Variants in UBXN2A observed in about 807,000 individuals in gnomAD.
The protein encoded by UBXN2A is UBX domain protein 2A.
In UBXN2A, 28 loss-of-function variants were observed where a neutral mutation model predicts 28.4. The ratio of observed to expected loss-of-function variants is 0.99; its 90% CI spans 0.73 to 1.35. The LOEUF (loss-of-function observed/expected upper bound fraction) is 1.35. Among genes scored for constraint, UBXN2A ranks in the 40% most tolerant of loss-of-function variants. The pLI, the probability that UBXN2A is intolerant of heterozygous loss-of-function variation, is 0.00. For missense variants in UBXN2A, 253 were observed against 297.9 expected (o/e 0.85, Z 1.11); for synonymous variants, 97 against 103.6 (o/e 0.94, Z 0.39).
At chr2:23,937,041 T>C (rs1441406745), upstream of UBXN2A, among the ~76,000 whole-genome samples, 1 of 151,412 alleles carries the variant, frequency 6.6e-6, no homozygotes, top group Non-Finnish European at 1.5e-5. Context: ...TTCTTAAGTC[T>C]AGTAATAGAG....
intron 2 of UBXN2A, among the ~76,000 whole-genome samples, chr2:23,970,256 C>G (rs1163839439): frequency 6.6e-6 from 1 of 152,164 alleles, no homozygotes; most frequent in Non-Finnish European, 1.5e-5. Context: ...TCCACTCCAG[C>G]CTGCACGACA....
intron 2 of UBXN2A, among the ~76,000 whole-genome samples, chr2:23,960,369 C>T (rs968105833): frequency 1.3e-5 from 2 of 152,082 alleles, no homozygotes; most frequent in Admixed American, 6.6e-5. Context: ...CTCATTTCTG[C>T]GCAGTAATAA....
intron 2 of UBXN2A, among the ~76,000 whole-genome samples, chr2:23,962,142 A>T (rs1225262613): frequency 6.6e-6 from 1 of 152,094 alleles, no homozygotes; most frequent in East Asian, 1.9e-4. Context: ...CACCGCGCCC[A>T]GCCAAAAACT....
intron 2 of UBXN2A, among the ~76,000 whole-genome samples, chr2:23,967,391 A>G (rs1286091611): frequency 1.3e-5 from 2 of 152,224 alleles, no homozygotes; most frequent in South Asian, 2.1e-4. Flanking sequence ...AACAGAAGAA[A>G]CAGTTAAATA....
At chr2:23,944,903 T>C (rs1479295494) in intron 1 of UBXN2A, among the ~76,000 whole-genome samples, 2 of 152,158 alleles carry the variant, frequency 1.3e-5, no homozygotes, top group Non-Finnish European at 2.9e-5. Flanking sequence ...AGTTAGTTCT[T>C]GGAGCAGCTG....
intron 2 of UBXN2A, among the ~76,000 whole-genome samples, chr2:23,958,724 T>C (rs1706760531): frequency 1.3e-5 from 2 of 152,218 alleles, no homozygotes; most frequent in African/African-American, 2.4e-5. Context: ...GTCTCTGCCT[T>C]CTATTATCTC....
intron 4 of UBXN2A, among the ~76,000 whole-genome samples, chr2:23,981,770 C>T (rs574865481): frequency 1.3e-5 from 2 of 151,784 alleles, no homozygotes; most frequent in African/African-American, 4.8e-5. Context: ...GGCCTATAGT[C>T]CCCGCTACTC....
chr2:23,990,922 T>TA (rs1708329938), intron 6 of UBXN2A, among the ~76,000 whole-genome samples: 2 of 152,296 alleles, frequency 1.3e-5, no homozygotes, highest in Non-Finnish European at 2.9e-5. Context: ...TAAAAGCTAC[T>TA]AAGCCATGAC....
intron 2 of UBXN2A, among the ~76,000 whole-genome samples, chr2:23,965,457 A>G (rs554036914): frequency 6.6e-6 from 1 of 152,290 alleles, no homozygotes; most frequent in African/African-American, 2.4e-5. Context: ...CTTTTTCTGC[A>G]TATGTTGATA....
intron 1 of UBXN2A, among the ~76,000 whole-genome samples, chr2:23,933,305 G>A (rs535981846): frequency 1.2e-4 from 18 of 151,984 alleles, no homozygotes; most frequent in African/African-American, 2.9e-4. Flanking sequence ...TCAGGAGTTC[G>A]AGACCAGCCT....
chr2:23,944,857 T>C (rs1234884168), intron 1 of UBXN2A, among the ~76,000 whole-genome samples: 1 of 152,180 alleles, frequency 6.6e-6, no homozygotes, highest in Non-Finnish European at 1.5e-5. Flanking sequence ...TGGAGCAGAA[T>C]TAGTCTGTCC....
chr2:23,983,061 A>G (rs758973691), intron 5 of UBXN2A, 28 bp downstream of exon 5: 3 of 1,567,870 alleles, frequency 1.9e-6, no homozygotes, highest in Non-Finnish European at 1.7e-6. Context: ...CTTGTTTTGC[A>G]TAGATCAAGG....
chr2:23,973,799 A>G (rs1367995652), intron 3 of UBXN2A, among the ~76,000 whole-genome samples: 1 of 150,184 alleles, frequency 6.7e-6, no homozygotes, highest in Admixed American at 6.7e-5. Flanking sequence ...CGCCTAGCTA[A>G]TTTTTGCATT....
intron 1 of UBXN2A, among the ~76,000 whole-genome samples, chr2:23,952,781 G>T (rs1420947976): frequency 6.6e-6 from 1 of 152,104 alleles, no homozygotes; most frequent in Admixed American, 6.6e-5. Context: ...GTCTGGCTAT[G>T]TTGCCCAGCC....
Position 23,951,291 on chromosome 2 carries a change from T to G in UBXN2A, c.-14-7010T>G, listed in dbSNP as rs538474941. ...AGAGCTGGGATCTTTATCTATTTTGTTCAATATGTATCCCAAGCACCTAGA... is the reference window on the plus strand; with the variant it reads ...AGAGCTGGGATCTTTATCTATTTTGGTCAATATGTATCCCAAGCACCTAGA... On this transcript the variant is annotated intron_variant, in intron 1 of 6. Coordinates refer to ENST00000309033, the MANE Select transcript of UBXN2A (RefSeq NM_181713.4). 3.3e-5 allele frequency among the ~76,000 whole-genome samples: 5 copies of G among 151,610 alleles called. No individual in the cohort carries two copies. The East Asian group carries it at 9.7e-4, about 29-fold the overall frequency.
intron 1 of UBXN2A, chr2:23,944,423 T>C (rs912714997): frequency 1.9e-6 from 2 of 1,049,664 alleles, no homozygotes; most frequent in African/African-American, 3.1e-5. Context: ...GTCAGTCTTA[T>C]CTCCACCCTG....
At chr2:23,935,836 G>T (rs1175533966), upstream of UBXN2A, among the ~76,000 whole-genome samples, 1 of 152,148 alleles carries the variant, frequency 6.6e-6, no homozygotes, top group African/African-American at 2.4e-5. Context: ...GATCACCAGA[G>T]GTCAGGAGTT....
intron 4 of UBXN2A, among the ~76,000 whole-genome samples, chr2:23,981,662 G>GGT (rs1301748361): frequency 3.3e-5 from 5 of 151,916 alleles, no homozygotes; most frequent in Non-Finnish European, 7.4e-5. Flanking sequence ...GGGAGGCTGA[G>GGT]GTGGGCAGAT....
At chr2:23,961,089 A>AT (rs1283854384) in intron 2 of UBXN2A, among the ~76,000 whole-genome samples, 1 of 140,154 alleles carries the variant, frequency 7.1e-6, no homozygotes, top group Non-Finnish European at 1.6e-5. Context: ...TGTACTTTGA[A>AT]TTTTTTTTGT....
Sources: gnomAD v4.1 joint callset for allele counts (sites outside exome capture counted in the v4.1 genomes callset) on GRCh38, gnomAD v4.1.1 for gene constraint, MANE v1.5 for transcripts, NCBI Gene and HGNC (gene_info 2026-07-23, HGNC 2026-07-21) for gene names.